DLG2: variants seen among roughly 807,000 people sequenced by gnomAD.
DLG2 encodes disks large homolog 2.
DLG2 carries 45 observed loss-of-function variants against 132.5 expected under a neutral mutation model. That is an observed-to-expected ratio of 0.34 (90% CI 0.27 to 0.44). The LOEUF is 0.44. DLG2 is among the 20% of genes least tolerant of loss of function. The pLI is 1.00. For missense variants in DLG2, 1,045 were observed against 1,196.9 expected, an observed-to-expected ratio of 0.87 and a Z score of 1.87; for synonymous variants, 424 against 419.6, an observed-to-expected ratio of 1.01 and a Z score of -0.13.
rs954427341 is a variant in DLG2, at chr11:83,759,397, C to T, written c.1825+27293G>A. The stretch of plus-strand genomic sequence containing the variant: ...CTGCGGTGAATAGCAAGGGAACAGC[C>T]GTTCAGATGGGGGGCATCCAAAAGC... On this transcript the variant is annotated intron_variant, in intron 18 of 27. Transcript: ENST00000376104. Among the ~76,000 whole-genome samples the T allele has an allele frequency of 3.3e-5, 5 of 152,282 alleles. No homozygotes were observed. The East Asian group carries it at 5.8e-4, about 18-fold the overall frequency.
At chr11:84,902,129 T>G (rs2090964700) in intron 6 of DLG2, among the ~76,000 whole-genome samples, 1 of 152,088 alleles carries the variant, frequency 6.6e-6, no homozygotes, top group Non-Finnish European at 1.5e-5. Flanking sequence ...TTTTGTAAAA[T>G]TCTTGAATGG....
chr11:84,095,788 G>A (rs2097157382), intron 10 of DLG2, among the ~76,000 whole-genome samples: 2 of 152,168 alleles, frequency 1.3e-5, no homozygotes, highest in African/African-American at 4.8e-5. Context: ...ATAGGCAAAG[G>A]CTGTAATGTG....
chr11:85,456,811 T>C (rs1378674849), intron 3 of DLG2, among the ~76,000 whole-genome samples: 1 of 152,226 alleles, frequency 6.6e-6, no homozygotes, highest in South Asian at 2.1e-4. Flanking sequence ...TCTATTTTAT[T>C]GTACTGTGAT....
At chr11:85,075,467 C>T (rs143903593) in intron 6 of DLG2, among the ~76,000 whole-genome samples, 1 of 151,948 alleles carries the variant, frequency 6.6e-6, no homozygotes, top group African/African-American at 2.4e-5. Flanking sequence ...AGCATGTATT[C>T]AGTCACATAT....
intron 19 of DLG2, among the ~76,000 whole-genome samples, chr11:83,560,146 G>A (rs945948038): frequency 6.6e-6 from 1 of 151,512 alleles, no homozygotes; most frequent in Non-Finnish European, 1.5e-5. Context: ...TTGAGACGGA[G>A]TCTCACTGTT....
intron 3 of DLG2, among the ~76,000 whole-genome samples, chr11:85,375,408 TG>T (rs565884660): frequency 2.7e-4 from 41 of 152,158 alleles, no homozygotes; most frequent in Non-Finnish European, 4.7e-4. Context: ...CGACTGGGCA[TG>T]GTGGCTCACG....
At chr11:83,596,037 A>G (rs1018638928) in intron 19 of DLG2, among the ~76,000 whole-genome samples, 1 of 152,220 alleles carries the variant, frequency 6.6e-6, no homozygotes, top group African/African-American at 2.4e-5. Flanking sequence ...ATCTGAACAT[A>G]AAAGTCTCAC....
At chr11:83,887,289 T>C (rs2068200501) in intron 15 of DLG2, among the ~76,000 whole-genome samples, 1 of 151,952 alleles carries the variant, frequency 6.6e-6, no homozygotes, top group Non-Finnish European at 1.5e-5. Flanking sequence ...CTCACAGAAA[T>C]ACAAACTACC....
intron 3 of DLG2, among the ~76,000 whole-genome samples, chr11:85,516,328 T>C (rs938762542): frequency 1.3e-5 from 2 of 151,976 alleles, no homozygotes; most frequent in African/African-American, 4.8e-5. Context: ...GCAATAAATT[T>C]ATACATCCAA....
chr11:85,315,928 C>T lies in DLG2; in HGVS notation c.41-30563G>A, dbSNP rs114692820. Among the ~76,000 whole-genome samples, 831 of 152,100 alleles carry T rather than the reference C, an allele frequency of 5.5e-3. 8 individuals are homozygous for T. Among genetic ancestry groups the T allele is most frequent in the African/African-American group, 0.019 (771 of 41,518 alleles). On this transcript the variant is annotated intron_variant, in intron 3 of 27. Coordinates refer to ENST00000376104, the MANE Select transcript of DLG2 (RefSeq NM_001142699.3). ...GCTCTGGAAAAAATAAAATGTCCCC[C>T]AATCACAGGGTGAAAGGTTCTCCCT...
chr11:84,032,490 A>C (rs2095730191), intron 11 of DLG2, among the ~76,000 whole-genome samples: 2 of 152,222 alleles, frequency 1.3e-5, no homozygotes, highest in South Asian at 4.1e-4. Flanking sequence ...AAACTGCAGA[A>C]GAGAAGTTTG....
chr11:83,514,045 GT>G (rs1361015559), intron 21 of DLG2, among the ~76,000 whole-genome samples: 1 of 152,092 alleles, frequency 6.6e-6, no homozygotes, highest in Admixed American at 6.5e-5. Context: ...CTTTAAAGTA[GT>G]TTTTTCCAAT....
chr11:85,451,376 T>A (rs72951991), intron 3 of DLG2, among the ~76,000 whole-genome samples: 22 of 152,350 alleles, frequency 1.4e-4, no homozygotes, highest in Non-Finnish European at 2.8e-4. Context: ...AACTGTTTAC[T>A]CAGTAACCAG....
At chr11:83,713,157 T>C (rs1592935367) in intron 18 of DLG2, among the ~76,000 whole-genome samples, 1 of 152,214 alleles carries the variant, frequency 6.6e-6, no homozygotes, top group African/African-American at 2.4e-5. Context: ...TAAAATCTTA[T>C]CTGTTTTCTT....
At chr11:83,500,959 A>G (rs1010234450) in intron 21 of DLG2, among the ~76,000 whole-genome samples, 1 of 152,108 alleles carries the variant, frequency 6.6e-6, no homozygotes, top group African/African-American at 2.4e-5. Flanking sequence ...GGATTTCATC[A>G]TTAAGTTTCA....
chr11:84,525,061 T>C (rs141975952), intron 7 of DLG2, among the ~76,000 whole-genome samples: 58 of 152,178 alleles, frequency 3.8e-4, no homozygotes, highest in Admixed American at 7.8e-4. Context: ...TGCTTCATGT[T>C]ATCCTCGGTA....
chr11:85,128,401 T>A (rs751984201), intron 5 of DLG2, among the ~76,000 whole-genome samples: 12 of 152,268 alleles, frequency 7.9e-5, no homozygotes, highest in Admixed American at 2.6e-4. Context: ...CAATAAAATA[T>A]ACTCATTTTA....
intron 5 of DLG2, among the ~76,000 whole-genome samples, chr11:85,149,198 G>A (rs575517363): frequency 7.9e-5 from 12 of 152,082 alleles, no homozygotes; most frequent in African/African-American, 1.4e-4. Flanking sequence ...CTCCAGCTTT[G>A]TTCTTTTTGC....
intron 4 of DLG2, among the ~76,000 whole-genome samples, chr11:85,232,363 G>A (rs1565192214): frequency 6.6e-6 from 1 of 151,466 alleles, no homozygotes; most frequent in Non-Finnish European, 1.5e-5. Context: ...TCCACTTCAG[G>A]TTATAGAAAA....
Sources: gnomAD v4.1 joint callset for allele counts (sites outside exome capture counted in the v4.1 genomes callset) on GRCh38, gnomAD v4.1.1 for gene constraint, MANE v1.5 for transcripts, NCBI Gene and HGNC (gene_info 2026-07-23, HGNC 2026-07-21) for gene names.